NPL: variants seen among roughly 807,000 people sequenced by gnomAD.
NPL encodes N-acetylneuraminate pyruvate lyase, also known as N-acetylneuraminate lyase.
Under a neutral mutation model 41.1 loss-of-function variants are expected in NPL, and 32 were observed. The ratio of observed to expected loss-of-function variants is 0.78; its 90% confidence interval spans 0.59 to 1.05. NPL has a LOEUF of 1.05. Among genes scored for constraint, NPL ranks in the 50% least tolerant of loss-of-function variants. The pLI is 0.00. For synonymous variants in NPL, 128 were observed against 134.9 expected (o/e 0.95, Z 0.35); for missense variants, 321 against 378.4 (o/e 0.85, Z 1.26).
intron 3 of NPL, among the ~76,000 whole-genome samples, chr1:182,796,374 G>C (rs1282755105): frequency 6.6e-6 from 1 of 151,738 alleles, no homozygotes; most frequent in Non-Finnish European, 1.5e-5. Context: ...TACCCACAAG[G>C]GAATCTGCAC....
intron 10 of NPL, among the ~76,000 whole-genome samples, chr1:182,819,446 C>CA (rs746491108): frequency 1.5e-3 from 160 of 105,350 alleles, no homozygotes; most frequent in South Asian, 4.7e-3. Context: ...AACTCCATCT[C>CA]AAAAAAAAAA....
At position 182,803,726 on chromosome 1, in the gene NPL, T is replaced by C. The variant is rs552560494; in HGVS notation, c.97T>C (p.Tyr33His). 5.6e-6 allele frequency: 9 copies of C among 1,613,258 alleles called. No individual in the cohort carries two copies. The highest frequency in any genetic ancestry group is 7.6e-6 in the Non-Finnish European group (9 of 1,179,322). The stretch of plus-strand genomic sequence containing the variant: ...AATCAACTTTTCAGTAATTGGTCAG[T>C]ATGTGGATTATCTTGTGAAAGAACA... ...GEINFSVIGQ[Y>H]VDYLVKEQGV... The change falls in exon 4 of 13, where the codon TAT becomes CAT. Residue 33 changes from tyrosine to histidine, a missense_variant. Physicochemically the swap from Tyr to His is moderately conservative, Grantham distance 83. Transcript: ENST00000367553.
rs149226685 is a variant in NPL at position 182,800,887 on chromosome 1, G to A, written c.69-2811G>A. On this transcript the variant is annotated intron_variant, in intron 3 of 12. Coordinates refer to ENST00000367553, the MANE Select transcript of NPL (RefSeq NM_030769.3). The stretch of plus-strand genomic sequence containing the variant: ...TGAGATTACAAGTGCCCACCAATAC[G>A]CCTGGCTCATTTTTGCATTTTTAGT... 6.6e-5 allele frequency among the ~76,000 whole-genome samples: 10 copies of A among 151,742 alleles called. No homozygotes were observed. The East Asian group carries it at 9.7e-4, about 15-fold the overall frequency.
chr1:182,789,975 G>C lies in NPL; in HGVS notation c.-72+170G>C, dbSNP rs192431218. ...ACGCTGGGAAACGGATCTGGGGAAG[G>C]TGTGAATGCGAAAAGTGTAGGGACA... On this transcript the variant is annotated intron_variant, in intron 1 of 12. Transcript: ENST00000367553. 3.8e-3 allele frequency among the ~76,000 whole-genome samples: 584 copies of C among 152,344 alleles called. 10 individuals are homozygous for C. The highest frequency in any genetic ancestry group is 0.013 in the African/African-American group (558 of 41,586).
intron 3 of NPL, among the ~76,000 whole-genome samples, chr1:182,798,511 A>T (rs951214467): frequency 6.6e-6 from 1 of 152,158 alleles, no homozygotes; most frequent in Non-Finnish European, 1.5e-5. Context: ...TACAGGCATG[A>T]GCAGCTGCGC....
chr1:182,804,545 T>A (rs970170293), intron 4 of NPL, among the ~76,000 whole-genome samples: 3 of 152,248 alleles, frequency 2.0e-5, no homozygotes, highest in Admixed American at 1.3e-4. Flanking sequence ...AGTTATCCCC[T>A]TTTATTTCAT....
Position 182,828,788 on chromosome 1 carries a change from C to G in NPL, c.843C>G (p.Pro281=). The change falls in exon 13 of 13, where the codon CCC becomes CCG. Residue 281 remains proline, a synonymous_variant. Coordinates refer to ENST00000367553, the MANE Select transcript of NPL (RefSeq NM_030769.3). This position sits in a 1 kb window ranked among gnomAD's most constrained non-coding sequence, Gnocchi z 4.0. Reference sequence around the variant, plus strand: ...TCTCTGGGATTCCAATGGGCCCACCCCGGCTTCCACTGCAGAAAGCCTCCA... The same window carrying G: ...TCTCTGGGATTCCAATGGGCCCACCGCGGCTTCCACTGCAGAAAGCCTCCA... The part of the protein sequence containing the change: ...TLVSGIPMGP[P]RLPLQKASRE... The G allele has an allele frequency of 6.2e-7, 1 of 1,614,182 alleles. No individual in the cohort carries two copies. Among genetic ancestry groups the G allele is most frequent in the South Asian group, 1.1e-5 (1 of 91,088 alleles).
rs138406863 is a variant in NPL at position 182,806,185 on chromosome 1, A to C, written c.183A>C (p.Ser61=). 1.1e-4 allele frequency: 177 copies of C among 1,614,232 alleles called. No individual in the cohort carries two copies. The African/African-American group carries it at 2.1e-3, about 19-fold the overall frequency. Reference sequence around the variant, plus strand: ...GAGAAGGCCTGTCCCTGAGCGTCTCAGAGCGTCGCCAGGTTGCAGAGGAGT... The same window carrying C: ...GAGAAGGCCTGTCCCTGAGCGTCTCCGAGCGTCGCCAGGTTGCAGAGGAGT... The part of the protein sequence containing the change: ...TTGEGLSLSV[S]ERRQVAEEWV... Residue 61 remains serine, a synonymous_variant, in exon 5 of 13, where the codon TCA becomes TCC. Transcript: ENST00000367553.
At position 182,790,031 on chromosome 1, in the gene NPL, T is replaced by G. The variant is rs575251479; in HGVS notation, c.-72+226T>G. Among the ~76,000 whole-genome samples the G allele has an allele frequency of 7.9e-5, 12 of 152,324 alleles. No homozygotes were observed. The South Asian group carries it at 2.5e-3, about 32-fold the overall frequency. On this transcript the variant is annotated intron_variant, in intron 1 of 12. Transcript: ENST00000367553. ...GGGCAGAAGAACTTACTCCCCCGGA[T>G]TGTTTGCAGACAGCATATCTGCCGG...
intron 5 of NPL, among the ~76,000 whole-genome samples, chr1:182,810,188 A>ACTGC (rs1421380515): frequency 1.3e-5 from 2 of 152,176 alleles, no homozygotes; most frequent in African/African-American, 4.8e-5. Context: ...CACTGGGAAG[A>ACTGC]CTGCATTCAC....
At chr1:182,795,352 G>A (rs35152751) in intron 3 of NPL, among the ~76,000 whole-genome samples, 12,580 of 152,218 alleles carry the variant, frequency 0.083, 611 homozygotes, top group African/African-American at 0.14. Context: ...AACAGTGCTT[G>A]GCACAGGGTC....
chr1:182,812,011 T>A, intron 5 of NPL, 145 bp from the exon 6 acceptor site: 1 of 744,030 alleles, frequency 1.3e-6, no homozygotes, highest in African/African-American at 1.8e-5. Context: ...CCCCTTTAAG[T>A]AGATTAAATA....
intron 5 of NPL, chr1:182,809,871 AAG>A (rs767788172): frequency 3.9e-5 from 6 of 152,318 alleles, no homozygotes; most frequent in Non-Finnish European, 7.3e-5. Context: ...GCCCAGGAGA[AAG>A]AGGAAGAGCA....
chr1:182,790,611 CTTTTG>C (rs1553232084), intron 1 of NPL, among the ~76,000 whole-genome samples: 2 of 133,382 alleles, frequency 1.5e-5, no homozygotes, highest in Admixed American at 7.7e-5. Context: ...CTGTTAAAGT[CTTTTG>C]TTGTTGTTGT....
intron 3 of NPL, among the ~76,000 whole-genome samples, chr1:182,800,886 C>T (rs115668314): frequency 0.032 from 4,856 of 151,908 alleles, 89 homozygotes; most frequent in Admixed American, 0.051. Flanking sequence ...CCCACCAATA[C>T]GCCTGGCTCA....
chr1:182,793,837 G>A (rs1470404030), intron 2 of NPL, among the ~76,000 whole-genome samples: 1 of 152,174 alleles, frequency 6.6e-6, no homozygotes, highest in African/African-American at 2.4e-5. Flanking sequence ...GATTTGAAGT[G>A]TGCAGGTCCA....
intron 10 of NPL, among the ~76,000 whole-genome samples, chr1:182,821,381 G>A (rs1004086780): frequency 5.9e-5 from 9 of 152,184 alleles, no homozygotes; most frequent in Non-Finnish European, 1.0e-4. Context: ...TAGAGTTGGA[G>A]AGTTTTTTAA....
Position 182,818,699 on chromosome 1 carries a change from C to G in NPL, c.606+10C>G. On this transcript the variant is annotated intron_variant, in intron 9 of 12. Transcript: ENST00000367553. ...TTTTGGGGTGGATGAGGTAAGTCAC[C>G]CCCTAGCATGTTGCAGCAGGTCAGT... 6.2e-7 allele frequency: 1 copy of G among 1,614,064 alleles called. No homozygotes were observed. Among genetic ancestry groups the G allele is most frequent in the South Asian group, 1.1e-5 (1 of 91,066 alleles).
intron 12 of NPL, 43 bp downstream of exon 12, chr1:182,825,863 G>T: frequency 6.8e-7 from 1 of 1,466,832 alleles, no homozygotes. Flanking sequence ...GCTGGAGACT[G>T]TAAAGAAAAT....
Sources: gnomAD v4.1 joint callset for allele counts (sites outside exome capture counted in the v4.1 genomes callset) on GRCh38, gnomAD v4.1.1 for gene constraint, Gnocchi (gnomAD v3.1) non-coding constraint, MANE v1.5 for transcripts, NCBI Gene and HGNC (gene_info 2026-07-23, HGNC 2026-07-21) for gene names.